Variants in MAP7 observed in about 807,000 individuals in gnomAD.
The protein encoded by MAP7 is ensconsin.
MAP7 carries 52 observed loss-of-function variants against 94.8 expected under a neutral mutation model. That is an observed-to-expected ratio of 0.55 (90% CI 0.44 to 0.69). The LOEUF (loss-of-function observed/expected upper bound fraction) is 0.69. Ranked by LOEUF, MAP7 falls within the 30% of genes least tolerant of loss-of-function variation. The pLI is 0.00. For synonymous variants in MAP7, 350 were observed against 357.0 expected (o/e 0.98, Z 0.22); for missense variants, 940 against 964.6 (o/e 0.97, Z 0.34).
intron 2 of MAP7, chr6:136,419,910 T>A (rs1790718606): frequency 1.8e-6 from 1 of 565,778 alleles, no homozygotes; most frequent in Non-Finnish European, 3.3e-6. Context: ...TCTTCTCTTC[T>A]ATCTCTATGT....
At chr6:136,466,871 A>G (rs1423472124) in intron 1 of MAP7, 4 of 1,529,350 alleles carry the variant, frequency 2.6e-6, no homozygotes, top group East Asian at 2.4e-5. Flanking sequence ...CAAAGACCAA[A>G]TATCAGTGAA....
At chr6:136,507,669 C>T (rs964764455) in intron 1 of MAP7, among the ~76,000 whole-genome samples, 2 of 152,110 alleles carry the variant, frequency 1.3e-5, no homozygotes, top group African/African-American at 4.8e-5. Context: ...TTACCATTTA[C>T]AGGCTGCTTG....
At chr6:136,413,320 C>T (rs1463181792) in intron 2 of MAP7, among the ~76,000 whole-genome samples, 1 of 151,942 alleles carries the variant, frequency 6.6e-6, no homozygotes, top group African/African-American at 2.4e-5. Flanking sequence ...GTCAGGAGTT[C>T]AAGACCAGCC....
intron 1 of MAP7, among the ~76,000 whole-genome samples, chr6:136,475,213 T>A (rs1562442910): frequency 6.6e-6 from 1 of 152,222 alleles, no homozygotes; most frequent in Non-Finnish European, 1.5e-5. Context: ...AGGGCTTTAA[T>A]ACCTAGCACC....
chr6:136,395,576 C>G (rs985499889), intron 3 of MAP7, among the ~76,000 whole-genome samples: 1 of 151,964 alleles, frequency 6.6e-6, no homozygotes, highest in African/African-American at 2.4e-5. Flanking sequence ...TCCTATTTGT[C>G]TATTTTTGCT....
chr6:136,467,012 G>A, intron 1 of MAP7: 1 of 822,506 alleles, frequency 1.2e-6, no homozygotes, highest in Non-Finnish European at 1.7e-6. Flanking sequence ...ACTGAACCAA[G>A]CAAAAACTGG....
chr6:136,369,096 CT>C lies in MAP7; in HGVS notation c.877-2658del, dbSNP rs538071601. 1.9e-3 allele frequency among the ~76,000 whole-genome samples: 282 copies of C among 152,342 alleles called. 2 individuals are homozygous for C. The highest frequency in any genetic ancestry group is 6.4e-3 in the African/African-American group (265 of 41,582). On this transcript the variant is annotated intron_variant, in intron 8 of 17. Coordinates refer to ENST00000354570, the MANE Select transcript of MAP7 (RefSeq NM_003980.6). ...GGAATACTTGCATTAACACTTACTG[CT>C]TTAGCAGCCTTAATCCATATAACTG... is the stretch of plus-strand genomic sequence containing the variant.
intron 1 of MAP7, among the ~76,000 whole-genome samples, chr6:136,472,321 A>G (rs3799441): frequency 0.016 from 2,441 of 152,250 alleles, 89 homozygotes; most frequent in East Asian, 0.14. Context: ...ATGTTAGGTT[A>G]GAAATTAAAA....
chr6:136,390,144 A>AT (rs1432244878), intron 3 of MAP7, among the ~76,000 whole-genome samples: 2 of 152,146 alleles, frequency 1.3e-5, no homozygotes, highest in Non-Finnish European at 2.9e-5. Context: ...AATAGGATGC[A>AT]TTTTTTCTTC....
At chr6:136,524,627 T>C (rs1827330736) in intron 1 of MAP7, among the ~76,000 whole-genome samples, 1 of 152,228 alleles carries the variant, frequency 6.6e-6, no homozygotes, top group Non-Finnish European at 1.5e-5. Flanking sequence ...AGATTCTACT[T>C]ATTAGAACTT....
At chr6:136,433,242 C>T (rs570429903) in intron 1 of MAP7, among the ~76,000 whole-genome samples, 138 of 152,304 alleles carry the variant, frequency 9.1e-4, no homozygotes, top group Middle Eastern at 3.4e-3. Context: ...GTCTACTTTT[C>T]AAGTTCTTTC....
At chr6:136,466,849 C>T (rs1582998878) in intron 1 of MAP7, 1 of 1,532,390 alleles carries the variant, frequency 6.5e-7, no homozygotes, top group Non-Finnish European at 8.7e-7. Context: ...TGCTTTGTGT[C>T]CCTCAGCCAG....
chr6:136,483,598 C>T (rs541293209), intron 1 of MAP7, among the ~76,000 whole-genome samples: 9 of 151,862 alleles, frequency 5.9e-5, no homozygotes, highest in South Asian at 4.2e-4. Flanking sequence ...AAAATGAATG[C>T]GACATTTGGC....
intron 1 of MAP7, among the ~76,000 whole-genome samples, chr6:136,452,577 G>C (rs1349904782): frequency 1.3e-5 from 2 of 151,454 alleles, no homozygotes; most frequent in East Asian, 3.9e-4. Flanking sequence ...TTTTGAGACA[G>C]AGTCTTGCTC....
chr6:136,406,097 A>C (rs1469469054), intron 3 of MAP7, among the ~76,000 whole-genome samples: 1 of 152,164 alleles, frequency 6.6e-6, no homozygotes, highest in Non-Finnish European at 1.5e-5. Context: ...CTGAATAAAA[A>C]ATTTATGTTG....
intron 1 of MAP7, among the ~76,000 whole-genome samples, chr6:136,522,107 C>T (rs1210558897): frequency 3.3e-5 from 5 of 152,130 alleles, no homozygotes; most frequent in African/African-American, 2.4e-5. Flanking sequence ...CAAAATTCAC[C>T]GTCTAAGGCA....
intron 3 of MAP7, among the ~76,000 whole-genome samples, chr6:136,402,774 C>T (rs190885189): frequency 7.2e-4 from 109 of 151,576 alleles, no homozygotes; most frequent in African/African-American, 2.5e-3. Flanking sequence ...GGTGCGGTGG[C>T]GGGCGCCTGT....
In MAP7 at chr6:136,343,394, A is replaced by AC. The variant is rs1436073368; in HGVS notation, c.*833dup. 1 of 152,662 alleles carries AC rather than the reference A, an allele frequency of 6.6e-6. No individual in the cohort carries two copies. The highest frequency in any genetic ancestry group is 1.5e-5 in the Non-Finnish European group (1 of 68,046). 9.5% of individuals were successfully genotyped at this position (152,662 alleles called of 1,614,324 possible). On this transcript the variant is annotated 3_prime_UTR_variant, in exon 18 of 18. Coordinates refer to ENST00000354570, the MANE Select transcript of MAP7 (RefSeq NM_003980.6). ...AAAGATAAGTCCACCATCACTGGGG[A>AC]CAGCAGCAACATACAGACTTCAGAA...
At chr6:136,511,234 T>C (rs1823185279) in intron 1 of MAP7, among the ~76,000 whole-genome samples, 1 of 151,888 alleles carries the variant, frequency 6.6e-6, no homozygotes, top group South Asian at 2.1e-4. Flanking sequence ...AACTACTAGA[T>C]GGGTAAGGGG....
Sources: gnomAD v4.1 joint callset for allele counts (sites outside exome capture counted in the v4.1 genomes callset) on GRCh38, gnomAD v4.1.1 for gene constraint, MANE v1.5 for transcripts, NCBI Gene and HGNC (gene_info 2026-07-23, HGNC 2026-07-21) for gene names.